The following RUNX2 variants were observed in gnomAD, a reference collection of about 807,000 sequenced individuals.
RUNX2 encodes RUNX family transcription factor 2.
RUNX2 carries 10 observed loss-of-function variants against 51.7 expected under a neutral mutation model. The ratio of observed to expected loss-of-function variants is 0.19; its 90% CI spans 0.12 to 0.33. The LOEUF (loss-of-function observed/expected upper bound fraction) is 0.33, where lower values mean the gene tolerates loss of function less well. Among genes scored for constraint, RUNX2 ranks in the 10% least tolerant of loss-of-function variants. The probability of loss-of-function intolerance (pLI) is 1.00; values close to 1 mark genes in which losing one functional copy is unlikely to be tolerated. For synonymous variants in RUNX2, 276 were observed against 273.6 expected (o/e 1.01, Z -0.09); for missense variants, 562 against 691.3 (o/e 0.81, Z 2.10).
At chr6:45,435,603 C>T (rs998249503) in intron 4 of RUNX2, among the ~76,000 whole-genome samples, 2 of 152,130 alleles carry the variant, frequency 1.3e-5, no homozygotes, top group South Asian at 2.1e-4. Context: ...GGCGATCTGC[C>T]CTCCTCCACC....
intron 5 of RUNX2, among the ~76,000 whole-genome samples, chr6:45,491,737 A>G (rs1015003741): frequency 6.6e-6 from 1 of 150,944 alleles, no homozygotes; most frequent in Admixed American, 6.6e-5. Context: ...CTCCATTTAT[A>G]AAACAGAGCT....
intron 2 of RUNX2, among the ~76,000 whole-genome samples, chr6:45,338,696 T>C (rs1355314299): frequency 6.6e-6 from 1 of 152,162 alleles, no homozygotes; most frequent in African/African-American, 2.4e-5. Flanking sequence ...GGTTCAGCTA[T>C]ACTATTTCGT....
At chr6:45,368,684 G>A (rs1795549292) in intron 2 of RUNX2, among the ~76,000 whole-genome samples, 1 of 152,108 alleles carries the variant, frequency 6.6e-6, no homozygotes, top group African/African-American at 2.4e-5. Context: ...TCCACTAAAA[G>A]AGAGAAGTTT....
Position 45,436,523 on chromosome 6 carries a change from T to C in RUNX2, c.581-1424T>C, listed in dbSNP as rs547131651. Among the ~76,000 whole-genome samples the C allele has an allele frequency of 2.6e-5, 4 of 152,304 alleles. No individual in the cohort carries two copies. The South Asian group carries it at 8.3e-4, about 32-fold the overall frequency. The stretch of plus-strand genomic sequence containing the variant: ...CTAATTGTTATTCACCTTTCCCTAT[T>C]CAAACTGCACCCACCCCATTCCTGT... On this transcript the variant is annotated intron_variant, in intron 4 of 8. Coordinates refer to ENST00000647337, the MANE Select transcript of RUNX2 (RefSeq NM_001024630.4).
chr6:45,468,632 GA>G (rs557268061), intron 5 of RUNX2, among the ~76,000 whole-genome samples: 1 of 152,016 alleles, frequency 6.6e-6, no homozygotes, highest in Admixed American at 6.6e-5. Flanking sequence ...AAACTTTAGG[GA>G]AAAAAATCCC....
rs554445821 is a variant in RUNX2 at position 45,356,399 on chromosome 6, T to C, written c.58+27615T>C. On this transcript the variant is annotated intron_variant, in intron 2 of 8. Transcript: ENST00000647337. Reference sequence around the variant, plus strand: ...ATTGGAATATATCAATTCTCATTTCTTTTTTTTTCTTTTTTTGAGACAGAG... The same window carrying C: ...ATTGGAATATATCAATTCTCATTTCCTTTTTTTTCTTTTTTTGAGACAGAG... 2.6e-5 allele frequency among the ~76,000 whole-genome samples: 4 copies of C among 151,320 alleles called. No individual in the cohort carries two copies. The South Asian group carries it at 6.3e-4, about 24-fold the overall frequency.
intron 2 of RUNX2, among the ~76,000 whole-genome samples, chr6:45,354,015 G>A (rs1267922533): frequency 6.6e-6 from 1 of 152,084 alleles, no homozygotes; most frequent in African/African-American, 2.4e-5. Context: ...AAGAAAAGCT[G>A]AAAACACAAT....
intron 2 of RUNX2, among the ~76,000 whole-genome samples, chr6:45,378,832 CTT>C (rs1378338516): frequency 1.3e-5 from 2 of 152,092 alleles, no homozygotes; most frequent in African/African-American, 4.8e-5. Context: ...GTCTTTCACT[CTT>C]TATATTATAT....
chr6:45,424,822 A>AT (rs1011017347), intron 3 of RUNX2, among the ~76,000 whole-genome samples: 19 of 149,368 alleles, frequency 1.3e-4, no homozygotes, highest in African/African-American at 3.9e-4. Flanking sequence ...GGCTCAAGAA[A>AT]TTTTTTTTTT....
At chr6:45,451,665 A>G (rs1799174269) in intron 5 of RUNX2, among the ~76,000 whole-genome samples, 1 of 152,216 alleles carries the variant, frequency 6.6e-6, no homozygotes, top group Non-Finnish European at 1.5e-5. Context: ...TGTTTCTGGC[A>G]AGGTCAGAGA....
At chr6:45,540,416 C>T (rs992874425) in intron 7 of RUNX2, among the ~76,000 whole-genome samples, 4 of 151,968 alleles carry the variant, frequency 2.6e-5, no homozygotes, top group Non-Finnish European at 5.9e-5. Flanking sequence ...TCCTCTGCAC[C>T]CTGCATGCTC....
At chr6:45,410,058 G>T (rs1287286718) in intron 2 of RUNX2, among the ~76,000 whole-genome samples, 1 of 152,188 alleles carries the variant, frequency 6.6e-6, no homozygotes, top group Non-Finnish European at 1.5e-5. Flanking sequence ...TCAAATTTGG[G>T]TTTTACTTTT....
At chr6:45,408,226 CATGG>C (rs1797877948) in intron 2 of RUNX2, among the ~76,000 whole-genome samples, 2 of 151,502 alleles carry the variant, frequency 1.3e-5, no homozygotes, top group South Asian at 2.1e-4. Flanking sequence ...AGTGTAGTGG[CATGG>C]AGGCCAGGAG....
chr6:45,439,005 C>A (rs1229982836), intron 5 of RUNX2, among the ~76,000 whole-genome samples: 5 of 152,144 alleles, frequency 3.3e-5, no homozygotes, highest in Admixed American at 2.0e-4. Flanking sequence ...CTATAACAAT[C>A]AACCTGCATA....
At chr6:45,426,002 G>T (rs767080814) in intron 3 of RUNX2, among the ~76,000 whole-genome samples, 12 of 152,120 alleles carry the variant, frequency 7.9e-5, no homozygotes, top group Non-Finnish European at 1.6e-4. Context: ...ACACCGCAGA[G>T]AATCAGAAAT....
At chr6:45,539,378 C>T (rs1188119422) in intron 7 of RUNX2, among the ~76,000 whole-genome samples, 2 of 152,168 alleles carry the variant, frequency 1.3e-5, no homozygotes, top group African/African-American at 4.8e-5. Context: ...CTTTCCCTCT[C>T]TTTTGCAAAA....
intron 2 of RUNX2, among the ~76,000 whole-genome samples, chr6:45,417,767 C>T (rs972319991): frequency 3.9e-5 from 6 of 152,188 alleles, no homozygotes; most frequent in Non-Finnish European, 7.3e-5. Flanking sequence ...TAGGTATATT[C>T]CAATAAAGCT....
At chr6:45,448,443 A>G (rs185852459) in intron 5 of RUNX2, among the ~76,000 whole-genome samples, 2 of 152,266 alleles carry the variant, frequency 1.3e-5, no homozygotes, top group African/African-American at 2.4e-5. Context: ...ACGAATTAAG[A>G]AGAGGGAAGA....
At chr6:45,355,859 T>G (rs997109852) in intron 2 of RUNX2, among the ~76,000 whole-genome samples, 1 of 152,196 alleles carries the variant, frequency 6.6e-6, no homozygotes, top group African/African-American at 2.4e-5. Flanking sequence ...TTATTTTTGT[T>G]GAATAAATAA....
Sources: allele counts gnomAD v4.1 joint callset (sites outside exome capture counted in the v4.1 genomes callset), GRCh38; gene constraint gnomAD v4.1.1; transcripts MANE v1.5; gene names NCBI Gene and HGNC (gene_info 2026-07-23, HGNC 2026-07-21).